The following SMAP1 variants were observed in gnomAD, a reference collection of about 807,000 sequenced individuals.
The protein encoded by SMAP1 is stromal membrane-associated protein 1.
SMAP1 carries 24 observed loss-of-function variants against 58.5 expected under a neutral mutation model. That is an observed-to-expected ratio of 0.41 (90% CI 0.30 to 0.58). The LOEUF is 0.58. SMAP1 is among the 20% of genes least tolerant of loss of function. The pLI, the probability that SMAP1 is intolerant of heterozygous loss-of-function variation, is 0.29. For missense variants in SMAP1, 563 were observed against 566.3 expected (o/e 0.99, Z 0.06); for synonymous variants, 216 against 196.6 (o/e 1.10, Z -0.82).
At chr6:70,751,924 G>A (rs960756304) in intron 2 of SMAP1, among the ~76,000 whole-genome samples, 3 of 152,046 alleles carry the variant, frequency 2.0e-5, no homozygotes, top group African/African-American at 7.2e-5. Context: ...TTTGCAACCA[G>A]TCTGCTTGAC....
intron 4 of SMAP1, among the ~76,000 whole-genome samples, chr6:70,785,991 C>A (rs1349218278): frequency 1.3e-5 from 2 of 152,160 alleles, no homozygotes; most frequent in Non-Finnish European, 2.9e-5. Flanking sequence ...CTGACAGAGA[C>A]ACAACCAAAA....
intron 1 of SMAP1, among the ~76,000 whole-genome samples, chr6:70,695,856 GTTC>G (rs765219015): frequency 6.6e-6 from 1 of 152,136 alleles, no homozygotes; most frequent in Non-Finnish European, 1.5e-5. Context: ...ATTGGTATTA[GTTC>G]TTCTTTAAAT....
chr6:70,716,078 T>C (rs1768256657), intron 1 of SMAP1, among the ~76,000 whole-genome samples: 1 of 152,266 alleles, frequency 6.6e-6, no homozygotes, highest in Admixed American at 6.5e-5. Flanking sequence ...TTCCTTTCTA[T>C]GGCTTAGTTG....
At chr6:70,791,840 C>G in intron 5 of SMAP1, 71 bp downstream of exon 5, 1 of 1,252,386 alleles carries the variant, frequency 8.0e-7, no homozygotes, top group Non-Finnish European at 1.2e-6. Flanking sequence ...TGCAGTGTGT[C>G]ATTCGGGAAC....
intron 3 of SMAP1, among the ~76,000 whole-genome samples, chr6:70,758,703 G>T (rs1766620321): frequency 6.6e-6 from 1 of 152,050 alleles, no homozygotes; most frequent in Non-Finnish European, 1.5e-5. Flanking sequence ...AAGTTAGATA[G>T]TGGCATTGGG....
intron 1 of SMAP1, among the ~76,000 whole-genome samples, chr6:70,699,681 G>GC (rs977630386): frequency 6.6e-6 from 1 of 152,056 alleles, no homozygotes; most frequent in Non-Finnish European, 1.5e-5. Flanking sequence ...GACCACCACT[G>GC]CCCAAGGCCT....
intron 4 of SMAP1, among the ~76,000 whole-genome samples, chr6:70,779,432 C>T (rs1343544921): frequency 6.6e-6 from 1 of 152,148 alleles, no homozygotes; most frequent in African/African-American, 2.4e-5. Context: ...TATGAATTCT[C>T]TCTGAGATAG....
chr6:70,720,908 A>G (rs1340300691), intron 1 of SMAP1, among the ~76,000 whole-genome samples: 1 of 152,194 alleles, frequency 6.6e-6, no homozygotes, highest in Non-Finnish European at 1.5e-5. Flanking sequence ...GGTCTCTGAC[A>G]TGGCCTGGAG....
chr6:70,826,934 CAAAAAAAAAAAAAAAAA>C (rs61069311), intron 6 of SMAP1, among the ~76,000 whole-genome samples: 2 of 76,630 alleles, frequency 2.6e-5, no homozygotes, highest in African/African-American at 5.6e-5. Context: ...AACCGTGTCT[CAAAAAAAAAAAAAAAAA>C]AAAAAAAAAG....
intron 1 of SMAP1, chr6:70,668,651 AC>A (rs200042613): frequency 0.033 from 51,288 of 1,535,840 alleles, 999 homozygotes; most frequent in Non-Finnish European, 0.04. Context: ...CTGCCTGCCC[AC>A]CTGACAGCTT....
At chr6:70,796,471 A>G (rs147827095) in intron 5 of SMAP1, among the ~76,000 whole-genome samples, 1 of 152,334 alleles carries the variant, frequency 6.6e-6, no homozygotes, top group Admixed American at 6.5e-5. Flanking sequence ...TGTTGCAAAG[A>G]TTAAATTAGA....
rs112217103 is a variant in SMAP1 at position 70,861,893 on chromosome 6, A to G, written c.*1559A>G. 1.4e-4 allele frequency: 222 copies of G among 1,614,050 alleles called. 1 individual carries two copies. The African/African-American group carries it at 2.7e-3, about 20-fold the overall frequency. On this transcript the variant is annotated 3_prime_UTR_variant, in exon 11 of 11. Coordinates refer to ENST00000370455, the MANE Select transcript of SMAP1 (RefSeq NM_001044305.3). ...CTGTTGTTATCTGTTTGAGAAAGTC[A>G]GATTCTTGCATCCCTGGCTGGGATC...
chr6:70,703,671 A>G (rs1767727168), intron 1 of SMAP1, among the ~76,000 whole-genome samples: 2 of 152,160 alleles, frequency 1.3e-5, no homozygotes, highest in African/African-American at 4.8e-5. Context: ...TACCTTCTGT[A>G]GTTTCCTCAC....
intron 1 of SMAP1, among the ~76,000 whole-genome samples, chr6:70,717,190 T>C (rs1485142089): frequency 1.3e-5 from 2 of 152,222 alleles, no homozygotes; most frequent in African/African-American, 4.8e-5. Flanking sequence ...GTGTTGCAGT[T>C]CATTCTATCT....
intron 4 of SMAP1, among the ~76,000 whole-genome samples, chr6:70,774,563 T>TA (rs567838057): frequency 4.6e-5 from 7 of 152,084 alleles, no homozygotes; most frequent in African/African-American, 7.2e-5. Context: ...TCTTTGGCCA[T>TA]AAAAAAATCT....
intron 5 of SMAP1, among the ~76,000 whole-genome samples, chr6:70,796,118 A>G (rs944279592): frequency 6.6e-6 from 1 of 152,198 alleles, no homozygotes; most frequent in African/African-American, 2.4e-5. Context: ...TTTATAATAT[A>G]TATAAAATTT....
chr6:70,846,440 G>A (rs1770993252), intron 7 of SMAP1, among the ~76,000 whole-genome samples: 1 of 152,194 alleles, frequency 6.6e-6, no homozygotes, highest in Admixed American at 6.5e-5. Flanking sequence ...GAGTAAAGAG[G>A]CTTCTGGAGT....
chr6:70,690,537 C>T (rs1767117409), intron 1 of SMAP1, among the ~76,000 whole-genome samples: 1 of 151,944 alleles, frequency 6.6e-6, no homozygotes, highest in Admixed American at 6.6e-5. Context: ...AACTCCTGAC[C>T]TCAGGTGATT....
At chr6:70,710,493 C>CA (rs35171922) in intron 1 of SMAP1, among the ~76,000 whole-genome samples, 1,536 of 74,188 alleles carry the variant, frequency 0.021, 17 homozygotes, top group African/African-American at 0.035. Flanking sequence ...ACTCCCATCT[C>CA]AAAAAAAAAA....
Sources: allele counts gnomAD v4.1 joint callset (sites outside exome capture counted in the v4.1 genomes callset), GRCh38; gene constraint gnomAD v4.1.1; transcripts MANE v1.5; gene names NCBI Gene and HGNC (gene_info 2026-07-23, HGNC 2026-07-21).